Variants in RSRC1 observed in about 807,000 individuals in gnomAD.
RSRC1 encodes the protein arginine and serine rich coiled-coil 1.
In RSRC1, 39 loss-of-function variants were observed where a neutral mutation model predicts 49.1. The observed-to-expected ratio is 0.79, with a 90% CI of 0.61 to 1.04. RSRC1 has a LOEUF of 1.04. Ranked by LOEUF, RSRC1 falls within the 50% of genes least tolerant of loss-of-function variation. The pLI, the probability that RSRC1 is intolerant of heterozygous loss-of-function variation, is 0.00. For synonymous variants in RSRC1, 143 were observed against 130.8 expected (o/e 1.09, Z -0.63); for missense variants, 388 against 402.4 (o/e 0.96, Z 0.31).
At chr3:158,505,265 A>G (rs1017308051) in intron 7 of RSRC1, among the ~76,000 whole-genome samples, 1 of 152,162 alleles carries the variant, frequency 6.6e-6, no homozygotes, top group Non-Finnish European at 1.5e-5. Context: ...CATACTGCTT[A>G]TAATTGTGAT....
At chr3:158,451,097 G>A (rs921737493) in intron 6 of RSRC1, among the ~76,000 whole-genome samples, 4 of 151,764 alleles carry the variant, frequency 2.6e-5, no homozygotes, top group Non-Finnish European at 5.9e-5. Flanking sequence ...AGGTATGTAT[G>A]CCACTCCTTA....
At chr3:158,458,502 A>G (rs76370549) in intron 6 of RSRC1, among the ~76,000 whole-genome samples, 3,937 of 152,264 alleles carry the variant, frequency 0.026, 62 homozygotes, top group Non-Finnish European at 0.039. Context: ...TAGGATGTCT[A>G]TAAGCATGGA....
chr3:158,356,586 TTTG>T (rs895513643), intron 6 of RSRC1, among the ~76,000 whole-genome samples: 2 of 152,074 alleles, frequency 1.3e-5, no homozygotes, highest in African/African-American at 4.8e-5. Context: ...TTACTAAAAT[TTTG>T]TTAATTTTTT....
At chr3:158,307,206 C>G (rs1240072363) in intron 5 of RSRC1, among the ~76,000 whole-genome samples, 2 of 151,672 alleles carry the variant, frequency 1.3e-5, no homozygotes, top group Admixed American at 1.3e-4. Flanking sequence ...ACTGCTTTTA[C>G]TTGGAAAATA....
intron 6 of RSRC1, among the ~76,000 whole-genome samples, chr3:158,392,674 TA>T (rs1331707556): frequency 2.6e-5 from 4 of 151,380 alleles, no homozygotes; most frequent in African/African-American, 9.7e-5. Flanking sequence ...CCCAGATTCA[TA>T]AAACAAGTTT....
chr3:158,423,557 C>T lies in RSRC1; in HGVS notation c.584-37378C>T, dbSNP rs554948078. ...TTGGCTCAGGATTGACTTGGCGATG[C>T]GGGCTCTTTTTTGGTTCCAAATGAA... On this transcript the variant is annotated intron_variant, in intron 6 of 9. Transcript: ENST00000611884. 7.9e-5 allele frequency among the ~76,000 whole-genome samples: 12 copies of T among 152,096 alleles called. No homozygotes were observed. The East Asian group carries it at 1.6e-3, about 20-fold the overall frequency.
intron 6 of RSRC1, among the ~76,000 whole-genome samples, chr3:158,375,032 G>A (rs976034828): frequency 2.0e-4 from 30 of 151,956 alleles, no homozygotes; most frequent in African/African-American, 6.8e-4. Flanking sequence ...ATAGTAATTT[G>A]GAAAGGTTAC....
intron 7 of RSRC1, among the ~76,000 whole-genome samples, chr3:158,461,244 G>C (rs776193186): frequency 4.4e-4 from 67 of 151,992 alleles, no homozygotes; most frequent in Middle Eastern, 6.8e-3. Flanking sequence ...TTATATAGTA[G>C]TGCTGATGTT....
At chr3:158,305,062 G>A (rs1332745585) in intron 5 of RSRC1, among the ~76,000 whole-genome samples, 2 of 152,030 alleles carry the variant, frequency 1.3e-5, no homozygotes, top group African/African-American at 2.4e-5. Context: ...ACATTTTGAT[G>A]AGTTACAAGT....
intron 7 of RSRC1, among the ~76,000 whole-genome samples, chr3:158,522,299 C>G (rs1711721166): frequency 6.6e-6 from 1 of 151,936 alleles, no homozygotes; most frequent in Non-Finnish European, 1.5e-5. Flanking sequence ...CACACAAGGC[C>G]TACTTTACTT....
chr3:158,154,545 A>G (rs990537234), intron 3 of RSRC1, among the ~76,000 whole-genome samples: 3 of 150,198 alleles, frequency 2.0e-5, no homozygotes, highest in African/African-American at 7.4e-5. Flanking sequence ...GCTCACTGCA[A>G]CCTCTGCCTC....
At chr3:158,532,384 C>T (rs1302927448) in intron 7 of RSRC1, among the ~76,000 whole-genome samples, 1 of 151,824 alleles carries the variant, frequency 6.6e-6, no homozygotes, top group Non-Finnish European at 1.5e-5. Flanking sequence ...TATGAAAAGA[C>T]TAAAATTTTC....
chr3:158,239,866 A>G (rs1723469326), intron 4 of RSRC1, among the ~76,000 whole-genome samples: 1 of 152,218 alleles, frequency 6.6e-6, no homozygotes, highest in African/African-American at 2.4e-5. Context: ...AAAAGAAAGA[A>G]TAATAGAAAT....
intron 6 of RSRC1, among the ~76,000 whole-genome samples, chr3:158,420,024 A>T (rs913951083): frequency 6.6e-6 from 1 of 150,546 alleles, no homozygotes; most frequent in Non-Finnish European, 1.5e-5. Flanking sequence ...CTCTCCCCCC[A>T]CTTCCTCCTT....
At chr3:158,185,393 A>G (rs940435056) in intron 3 of RSRC1, among the ~76,000 whole-genome samples, 9 of 151,858 alleles carry the variant, frequency 5.9e-5, no homozygotes, top group Admixed American at 5.9e-4. Context: ...GAAAATTGTC[A>G]TTTTCTTTTA....
chr3:158,255,781 A>G (rs575640441), intron 4 of RSRC1, among the ~76,000 whole-genome samples: 1 of 152,274 alleles, frequency 6.6e-6, no homozygotes, highest in African/African-American at 2.4e-5. Flanking sequence ...CATCCCTTGT[A>G]AATTGGATTC....
At chr3:158,468,082 T>C (rs1452849376) in intron 7 of RSRC1, among the ~76,000 whole-genome samples, 2 of 152,120 alleles carry the variant, frequency 1.3e-5, no homozygotes, top group Non-Finnish European at 2.9e-5. Context: ...TACAGGTGCC[T>C]GCCACCATGC....
At chr3:158,498,077 G>C (rs866480013) in intron 7 of RSRC1, among the ~76,000 whole-genome samples, 1 of 152,148 alleles carries the variant, frequency 6.6e-6, no homozygotes. Context: ...CCTTTGGGTA[G>C]ATAGATACCC....
chr3:158,200,907 G>A (rs921923941), intron 3 of RSRC1, among the ~76,000 whole-genome samples: 1 of 152,038 alleles, frequency 6.6e-6, no homozygotes, highest in Admixed American at 6.5e-5. Flanking sequence ...AGGGAAATAA[G>A]CAGTTTTTGA....
Sources: gnomAD v4.1 joint callset for allele counts (sites outside exome capture counted in the v4.1 genomes callset) on GRCh38, gnomAD v4.1.1 for gene constraint, MANE v1.5 for transcripts, NCBI Gene and HGNC (gene_info 2026-07-23, HGNC 2026-07-21) for gene names.